Variants in PCLO observed in about 807,000 individuals in gnomAD.
PCLO encodes the protein piccolo presynaptic cytomatrix protein.
Under a neutral mutation model 427.5 loss-of-function variants are expected in PCLO, and 82 were observed. The observed-to-expected ratio is 0.19, with a 90% CI of 0.16 to 0.23. PCLO has a LOEUF of 0.23. PCLO is among the 10% of genes least tolerant of loss of function. The pLI, the probability that PCLO is intolerant of heterozygous loss-of-function variation, is 1.00. For synonymous variants in PCLO, 2,357 were observed against 2,155.4 expected (o/e 1.09, Z -2.59); for missense variants, 6,239 against 6,115.9 (o/e 1.02, Z -0.67).
intron 3 of PCLO, among the ~76,000 whole-genome samples, chr7:83,063,186 T>C (rs1789581677): frequency 6.6e-6 from 1 of 152,040 alleles, no homozygotes; most frequent in Non-Finnish European, 1.5e-5. Flanking sequence ...ATAAAATAAA[T>C]ACTAAGTTAG....
intron 3 of PCLO, among the ~76,000 whole-genome samples, chr7:83,065,963 C>G (rs2190040): frequency 0.78 from 117,475 of 151,412 alleles, 46,423 homozygotes; most frequent in African/African-American, 0.92. Flanking sequence ...CATAGATGAT[C>G]ATCTTTCCTT....
chr7:83,080,313 G>A (rs1435254228), intron 3 of PCLO, among the ~76,000 whole-genome samples: 1 of 152,122 alleles, frequency 6.6e-6, no homozygotes, highest in Non-Finnish European at 1.5e-5. Flanking sequence ...TTCCACAATG[G>A]TTGAGCTACT....
chr7:82,942,594 C>T (rs150368346), intron 6 of PCLO, among the ~76,000 whole-genome samples: 2,439 of 152,162 alleles, frequency 0.016, 63 homozygotes, highest in African/African-American at 0.056. Context: ...CTGGTTTTGA[C>T]TCATTGACAT....
At chr7:82,879,543 G>C in intron 9 of PCLO, 81 bp from the exon 10 acceptor site, 3 of 1,021,736 alleles carry the variant, frequency 2.9e-6, no homozygotes, top group Non-Finnish European at 4.2e-6. Context: ...AGCACAAAAA[G>C]TAGGTCTGGT....
chr7:82,973,419 T>C (rs1420607060), intron 3 of PCLO, among the ~76,000 whole-genome samples: 1 of 152,152 alleles, frequency 6.6e-6, no homozygotes, highest in Admixed American at 6.6e-5. Flanking sequence ...CAAATTATAT[T>C]AGAACATAAA....
At chr7:82,821,077 T>TTG in intron 20 of PCLO, 1 of 1,111,110 alleles carries the variant, frequency 9.0e-7, no homozygotes, top group Non-Finnish European at 1.1e-6. Context: ...GGGGATGTTC[T>TTG]TGCTGTGTGC....
rs1328401080 is a variant in PCLO, at chr7:82,845,319, C to T, written c.13998G>A (p.Gly4666=). ...SAGSSSVPSP[G]QPGSPSVSKK... The stretch of plus-strand genomic sequence containing the variant: ...TGCTCACTGAGGGGGACCCTGGTTG[C>T]CCAGGGCTGGGAACGGAACTGGATC... The change falls in exon 13 of 25, where the codon GGG becomes GGA. Residue 4666 remains glycine (G), a synonymous_variant. Transcript: ENST00000333891. 4 of 1,613,428 alleles carry T rather than the reference C, an allele frequency of 2.5e-6. No individual in the cohort carries two copies. In the Admixed American group the frequency reaches 5.0e-5, roughly 20 times the overall value.
chr7:83,157,858 A>C (rs1402585276), intron 1 of PCLO, among the ~76,000 whole-genome samples: 1 of 152,064 alleles, frequency 6.6e-6, no homozygotes, highest in Non-Finnish European at 1.5e-5. Context: ...CTAAAATATA[A>C]TATCAGAATA....
At chr7:83,042,989 G>T (rs936792439) in intron 3 of PCLO, among the ~76,000 whole-genome samples, 7 of 152,100 alleles carry the variant, frequency 4.6e-5, no homozygotes, top group Non-Finnish European at 7.4e-5. Context: ...TATTTCTTTG[G>T]GTTTCTCAAA....
At chr7:82,885,083 G>A (rs1234208185) in intron 9 of PCLO, among the ~76,000 whole-genome samples, 1 of 152,128 alleles carries the variant, frequency 6.6e-6, no homozygotes, top group African/African-American at 2.4e-5. Flanking sequence ...CCGTTTGAGT[G>A]AAGGCAGAAC....
intron 3 of PCLO, among the ~76,000 whole-genome samples, chr7:83,021,458 A>C (rs1788339891): frequency 6.6e-6 from 1 of 152,122 alleles, no homozygotes; most frequent in Non-Finnish European, 1.5e-5. Flanking sequence ...TCAGTTTCTT[A>C]TTTAGATAAC....
chr7:82,959,740 C>T (rs746149084), intron 4 of PCLO, among the ~76,000 whole-genome samples: 2 of 152,196 alleles, frequency 1.3e-5, no homozygotes, highest in Non-Finnish European at 2.9e-5. Flanking sequence ...TCCCTCCACA[C>T]TCCTCACAGG....
intron 6 of PCLO, among the ~76,000 whole-genome samples, chr7:82,921,578 A>G (rs1012935312): frequency 7.2e-5 from 11 of 151,950 alleles, no homozygotes; most frequent in Admixed American, 6.6e-4. Context: ...TCCTTATACC[A>G]TATACAGAAA....
At chr7:83,003,831 T>C (rs1787881801) in intron 3 of PCLO, among the ~76,000 whole-genome samples, 1 of 151,774 alleles carries the variant, frequency 6.6e-6, no homozygotes, top group Non-Finnish European at 1.5e-5. Flanking sequence ...TGTCTGGCTT[T>C]CATATCGGGG....
At position 82,953,719 on chromosome 7, in the gene PCLO, G is replaced by T. The variant is rs267601595; in HGVS notation, c.7234C>A (p.Pro2412Thr). The T allele has an allele frequency of 6.6e-6, 6 of 909,474 alleles. No individual in the cohort carries two copies. Among genetic ancestry groups the T allele is most frequent in the Admixed American group, 4.8e-5 (2 of 42,066 alleles). 56.3% of individuals were successfully genotyped at this position (909,474 alleles called of 1,614,324 possible). The change falls in exon 5 of 25, where the codon CCC becomes ACC. Residue 2412 changes from proline to threonine, a missense_variant. Transcript: ENST00000333891. ...SAQPPPPPPPPPPPPPPPPPP... is the reference protein window; with the variant it reads ...SAQPPPPPPPTPPPPPPPPPP... ...GGTGGTGGAGGAGGAGGAGGAGGGGGAGGGGGAGGAGGGGGAGGAGGTTGA... is the reference window on the plus strand; with the variant it reads ...GGTGGTGGAGGAGGAGGAGGAGGGGTAGGGGGAGGAGGGGGAGGAGGTTGA...
intron 3 of PCLO, among the ~76,000 whole-genome samples, chr7:83,127,030 T>A (rs1791454718): frequency 6.6e-6 from 1 of 152,136 alleles, no homozygotes; most frequent in Non-Finnish European, 1.5e-5. Flanking sequence ...TGAATTTATA[T>A]ACTTAAAAAT....
chr7:83,094,375 AT>A (rs1294560141), intron 3 of PCLO, among the ~76,000 whole-genome samples: 1 of 151,604 alleles, frequency 6.6e-6, no homozygotes, highest in Admixed American at 6.6e-5. Context: ...TGCCCAGCTA[AT>A]TTTTGTATTT....
At position 82,952,669 on chromosome 7, in the gene PCLO, C is replaced by T. The variant is rs760210505; in HGVS notation, c.8284G>A (p.Glu2762Lys). ...GCACTAATTTGTTTCCCATAAACTT[C>T]ATTTGCTGTGATCTGCCTTTTCACA... ...MDVKRQITAN[E>K]VYGKQISAVQ... Residue 2762 changes from glutamate (E) to lysine (K), a missense_variant, in exon 5 of 25, where the codon GAA (glutamate) becomes AAA (lysine). Physicochemically the swap from Glu to Lys is moderately conservative, Grantham distance 56. This residue lies in a region of PCLO where 4,677 missense variants were observed against 4,468.4 expected (regional missense o/e 1.05). Coordinates refer to ENST00000333891, the MANE Select transcript of PCLO (RefSeq NM_033026.6). 1 of 1,613,918 alleles carries T rather than the reference C, an allele frequency of 6.2e-7. No homozygotes were observed. Among genetic ancestry groups the T allele is most frequent in the South Asian group, 1.1e-5 (1 of 91,082 alleles).
At position 82,952,002 on chromosome 7, in the gene PCLO, T is replaced by C. The variant is rs777372480; in HGVS notation, c.8951A>G (p.Tyr2984Cys). The change falls in exon 5 of 25, where the codon TAT becomes TGT. Residue 2984 changes from tyrosine (Y) to cysteine (C), a missense_variant. Transcript: ENST00000333891. Reference protein sequence around the residue: ...YQYDRSGPYGYRGIGGMKPSM... With the variant: ...YQYDRSGPYGCRGIGGMKPSM... ...AGGCTTCATTCCCCCAATCCCTCTA[T>C]AACCATATGGCCCTGATCGATCATA... 2.5e-5 allele frequency: 41 copies of C among 1,613,800 alleles called. 1 individual carries two copies. In the South Asian group the frequency reaches 4.4e-4, roughly 17 times the overall value.
Sources: allele counts gnomAD v4.1 joint callset (sites outside exome capture counted in the v4.1 genomes callset), GRCh38; gene constraint gnomAD v4.1.1; regional missense constraint gnomAD v4.1.1; transcripts MANE v1.5; gene names NCBI Gene and HGNC (gene_info 2026-07-23, HGNC 2026-07-21).